The following GLIPR1L1 variants were observed in gnomAD, a reference collection of about 807,000 sequenced individuals.
GLIPR1L1 encodes GLIPR1 like 1, also known as GLIPR1-like protein 1.
Under a neutral mutation model 29.9 loss-of-function variants are expected in GLIPR1L1, and 26 were observed. The ratio of observed to expected loss-of-function variants is 0.87; its 90% CI spans 0.64 to 1.21. GLIPR1L1 has a LOEUF of 1.21. GLIPR1L1 is among the 50% of genes most tolerant of loss of function. The pLI is 0.00. For missense variants in GLIPR1L1, 305 were observed against 290.3 expected, an observed-to-expected ratio of 1.05 and a Z score of -0.37; for synonymous variants, 77 against 97.5, an observed-to-expected ratio of 0.79 and a Z score of 1.24.
chr12:75,364,318 G>C (rs1228906558), intron 4 of GLIPR1L1, among the ~76,000 whole-genome samples: 1 of 152,196 alleles, frequency 6.6e-6, no homozygotes, highest in African/African-American at 2.4e-5. Flanking sequence ...GATGGTTGGG[G>C]GGCTTAGAAT....
At chr12:75,365,354 T>C (rs1345656485) in intron 4 of GLIPR1L1, 1 of 152,092 alleles carries the variant, frequency 6.6e-6, no homozygotes, top group East Asian at 1.9e-4. Context: ...AAGGAAAGTA[T>C]TCATTAGAAC....
chr12:75,346,178 AT>A (rs2042431989), intron 2 of GLIPR1L1, among the ~76,000 whole-genome samples: 1 of 152,232 alleles, frequency 6.6e-6, no homozygotes, highest in Admixed American at 6.5e-5. Flanking sequence ...ATAAAATTTA[AT>A]GATGTAGTTA....
At chr12:75,360,194 G>A (rs2043475516) in intron 3 of GLIPR1L1, 1 of 152,022 alleles carries the variant, frequency 6.6e-6, no homozygotes, top group Non-Finnish European at 1.5e-5. Context: ...TTTGGGTGGG[G>A]ACACAGAGCC....
chr12:75,357,880 C>A (rs2043255583), intron 3 of GLIPR1L1, among the ~76,000 whole-genome samples: 1 of 150,188 alleles, frequency 6.7e-6, no homozygotes. Flanking sequence ...GCACCAAAGG[C>A]CCACAATAGA....
chr12:75,340,888 A>G (rs925521158), intron 1 of GLIPR1L1, among the ~76,000 whole-genome samples: 2 of 152,180 alleles, frequency 1.3e-5, no homozygotes, highest in Non-Finnish European at 2.9e-5. Context: ...ATATCACGAC[A>G]CACCAATTAG....
At chr12:75,362,912 A>C (rs537505627) in intron 3 of GLIPR1L1, among the ~76,000 whole-genome samples, 190 bp from the exon 4 acceptor site, 2 of 152,270 alleles carry the variant, frequency 1.3e-5, no homozygotes, top group Non-Finnish European at 1.5e-5. Flanking sequence ...CTTCCACGTG[A>C]TTCATCCTGT....
At chr12:75,366,829 T>C in intron 4 of GLIPR1L1, 1 of 699,304 alleles carries the variant, frequency 1.4e-6, no homozygotes. Flanking sequence ...AAATGCCAAG[T>C]GAACAGCTCT....
intron 3 of GLIPR1L1, among the ~76,000 whole-genome samples, chr12:75,355,151 C>A (rs2043067729): frequency 1.3e-5 from 2 of 152,178 alleles, no homozygotes; most frequent in South Asian, 4.1e-4. Context: ...AACTAAAGAA[C>A]TTCTACACAG....
At chr12:75,366,796 T>A (rs1404657394) in intron 4 of GLIPR1L1, 7 of 693,078 alleles carry the variant, frequency 1.0e-5, no homozygotes, top group Non-Finnish European at 1.8e-5. Context: ...TCTTCAGAGG[T>A]CTATCACCTC....
chr12:75,334,950 G>T, intron 1 of GLIPR1L1, 48 bp downstream of exon 1: 1 of 1,522,098 alleles, frequency 6.6e-7, no homozygotes, highest in Non-Finnish European at 9.0e-7. Flanking sequence ...CTCATCCTGA[G>T]GTATCTGGGT....
intron 3 of GLIPR1L1, among the ~76,000 whole-genome samples, chr12:75,350,386 C>A (rs1233835249): frequency 6.6e-6 from 1 of 152,154 alleles, no homozygotes; most frequent in Non-Finnish European, 1.5e-5. Flanking sequence ...TCCTATTTCC[C>A]CTGACTGGGT....
At chr12:75,340,925 A>T (rs745911371) in intron 1 of GLIPR1L1, among the ~76,000 whole-genome samples, 27 of 152,194 alleles carry the variant, frequency 1.8e-4, no homozygotes, top group Non-Finnish European at 3.8e-4. Flanking sequence ...AATAATGACA[A>T]TACCAAATAC....
chr12:75,369,985 C>T lies in GLIPR1L1; in HGVS notation c.636C>T (p.Asn212=), dbSNP rs370758207. The T allele has an allele frequency of 9.0e-5, 97 of 1,077,470 alleles. 1 individual carries two copies. In the East Asian group the frequency reaches 1.1e-3, roughly 12 times the overall value. 66.7% of individuals were successfully genotyped at this position (1,077,470 alleles called of 1,614,324 possible). A position where few individuals can be genotyped will look rare whatever the true frequency, so the allele number is the denominator to read the frequency against. The change falls in exon 5 of 6, where the codon AAC becomes AAT. Residue 212 remains asparagine, a splice_region_variant and synonymous_variant. Coordinates refer to ENST00000378695, the MANE Select transcript of GLIPR1L1 (RefSeq NM_001304964.2). The part of the protein sequence containing the change: ...LCRTPQLIIP[N]QNPFLKPTGR... ...GGACTCCACAACTTATTATACCTAA[C>T]CGTATGTATCAAAATATTTTAGTAT...
intron 3 of GLIPR1L1, among the ~76,000 whole-genome samples, chr12:75,361,602 AC>A (rs1180283726): frequency 6.6e-6 from 1 of 152,170 alleles, no homozygotes; most frequent in African/African-American, 2.4e-5. Flanking sequence ...GTTCCACGTG[AC>A]TGGGGAGGCC....
chr12:75,338,268 A>T (rs995583739), intron 1 of GLIPR1L1, among the ~76,000 whole-genome samples: 5 of 152,202 alleles, frequency 3.3e-5, no homozygotes, highest in Admixed American at 3.3e-4. Flanking sequence ...TCTCAGGAAT[A>T]AAAAGTTGAA....
rs754557720 is a variant in GLIPR1L1 at position 75,347,705 on chromosome 12, A to G, written c.504A>G (p.Val168=). 3.1e-6 allele frequency: 5 copies of G among 1,599,360 alleles called. No homozygotes were observed. In the African/African-American group the frequency reaches 5.4e-5, roughly 17 times the overall value. ...GGGGAGCTTCAACTGCAATATTTGT[A>G]TGCAACTACGGACCTGCGTGAGTTA... is the stretch of plus-strand genomic sequence containing the variant. ...NLGGASTAIF[V]CNYGPAGNFA... The change falls in exon 3 of 6, where the codon GTA becomes GTG. Residue 168 remains valine, a synonymous_variant. Transcript: ENST00000378695.
At chr12:75,358,145 TAAC>T (rs1565992056) in intron 3 of GLIPR1L1, among the ~76,000 whole-genome samples, 1 of 151,646 alleles carries the variant, frequency 6.6e-6, no homozygotes, top group Non-Finnish European at 1.5e-5. Flanking sequence ...ACATAGGTGA[TAAC>T]ACTACAGATT....
intron 3 of GLIPR1L1, among the ~76,000 whole-genome samples, chr12:75,357,384 T>G (rs534853377): frequency 1.9e-4 from 29 of 152,252 alleles, no homozygotes; most frequent in African/African-American, 6.3e-4. Context: ...CCAATATTAC[T>G]GTAAAGAGAA....
chr12:75,339,064 C>T (rs1272175574), intron 1 of GLIPR1L1, among the ~76,000 whole-genome samples: 1 of 152,172 alleles, frequency 6.6e-6, no homozygotes, highest in African/African-American at 2.4e-5. Context: ...AGTGAATATA[C>T]ATGTGCATGT....
Sources: allele counts gnomAD v4.1 joint callset (sites outside exome capture counted in the v4.1 genomes callset), GRCh38; gene constraint gnomAD v4.1.1; transcripts MANE v1.5; gene names NCBI Gene and HGNC (gene_info 2026-07-23, HGNC 2026-07-21).